SLC6A12: variants seen among roughly 807,000 people sequenced by gnomAD.
SLC6A12 encodes the protein sodium- and chloride-dependent betaine transporter.
Under a neutral mutation model 73.3 loss-of-function variants are expected in SLC6A12, and 50 were observed. The ratio of observed to expected loss-of-function variants is 0.68; its 90% CI spans 0.54 to 0.86. The LOEUF is 0.86. Among genes scored for constraint, SLC6A12 ranks in the 40% least tolerant of loss-of-function variants. SLC6A12 has a pLI of 0.00. For missense variants in SLC6A12, 648 were observed against 772.8 expected, an observed-to-expected ratio of 0.84 and a Z score of 1.92; for synonymous variants, 304 against 309.2, an observed-to-expected ratio of 0.98 and a Z score of 0.18.
rs955873820 is a variant in SLC6A12, at chr12:196,715, C to T, written c.1188+55G>A. 24 of 1,277,104 alleles carry T rather than the reference C, an allele frequency of 1.9e-5. No homozygotes were observed. The African/African-American group carries it at 2.9e-4, about 16-fold the overall frequency. 79.1% of individuals were successfully genotyped at this position (1,277,104 alleles called of 1,614,324 possible). A position where few individuals can be genotyped will look rare whatever the true frequency, so the allele number is the denominator to read the frequency against. ...GAGGGGAAAGTAGTCCCAGGACAAG[C>T]AAAGGCTTGCAAGAGGGTCACCACG... is the stretch of plus-strand genomic sequence containing the variant. On this transcript the variant is annotated intron_variant, in intron 11 of 15. Coordinates refer to ENST00000684302, the MANE Select transcript of SLC6A12 (RefSeq NM_001122848.3).
At position 192,516 on chromosome 12, in the gene SLC6A12, C is replaced by G; in HGVS notation, c.1663G>C (p.Val555Leu). 1 of 1,614,030 alleles carries G rather than the reference C, an allele frequency of 6.2e-7. No individual in the cohort carries two copies. Among genetic ancestry groups the G allele is most frequent in the African/African-American group, 1.3e-5 (1 of 74,990 alleles). ...CCCCGAGTCTTCAGGAGGGTGATGACGACGAAGAGTGGGACACAGACCATG... is the reference window on the plus strand; with the variant it reads ...CCCCGAGTCTTCAGGAGGGTGATGAGGACGAAGAGTGGGACACAGACCATG... ...SSMVCVPLFV[V>L]ITLLKTRGPF... Residue 555 changes from valine to leucine, a missense_variant, in exon 15 of 16, where the codon GTC becomes CTC. Val to Leu is a conservative substitution (Grantham distance 32). Coordinates refer to ENST00000684302, the MANE Select transcript of SLC6A12 (RefSeq NM_001122848.3).
chr12:200,969 C>T (rs1406801066), intron 6 of SLC6A12, among the ~76,000 whole-genome samples, 186 bp from the exon 7 acceptor site: 1 of 152,194 alleles, frequency 6.6e-6, no homozygotes, highest in African/African-American at 2.4e-5. Flanking sequence ...TCATCCTATG[C>T]ATATCTTTAT....
chr12:212,710 C>A (rs1241314096), intron 1 of SLC6A12, among the ~76,000 whole-genome samples: 1 of 152,044 alleles, frequency 6.6e-6, no homozygotes, highest in African/African-American at 2.4e-5. Context: ...AAGAAATGGC[C>A]CAGAGGATGT....
downstream of SLC6A12, among the ~76,000 whole-genome samples, chr12:187,642 A>G (rs965436824): frequency 1.6e-5 from 2 of 128,252 alleles, no homozygotes; most frequent in African/African-American, 2.9e-5. Flanking sequence ...CAAACCACAC[A>G]CACAGCACCC....
In SLC6A12 at chr12:190,515, G is replaced by A. The variant is rs1939546359; in HGVS notation, c.*553C>T. On this transcript the variant is annotated 3_prime_UTR_variant, in exon 16 of 16. Transcript: ENST00000684302. ...AGGGCAGGAGCTGGAGATGCCATGA[G>A]AGACTCGGAGGAAACTCCAGACTGA... The A allele has an allele frequency of 6.6e-6, 1 of 152,224 alleles. No homozygotes were observed. Among genetic ancestry groups the A allele is most frequent in the Non-Finnish European group, 1.5e-5 (1 of 68,046 alleles). 9.4% of individuals were successfully genotyped at this position (152,224 alleles called of 1,614,324 possible).
intron 2 of SLC6A12, 51 bp from the exon 3 acceptor site, chr12:210,094 C>G: frequency 6.7e-7 from 1 of 1,489,038 alleles, no homozygotes; most frequent in Non-Finnish European, 8.9e-7. Context: ...CTCCCGCCAG[C>G]CCTGCTTTCC....
At chr12:212,846 TCGAGTCTC>T in intron 1 of SLC6A12, among the ~76,000 whole-genome samples, 1 of 152,156 alleles carries the variant, frequency 6.6e-6, no homozygotes, top group East Asian at 1.9e-4. Context: ...CTCCAGCCCC[TCGAGTCTC>T]CTCCAAGGCC....
chr12:188,181 G>A (rs1293069314), downstream of SLC6A12, among the ~76,000 whole-genome samples: 1 of 152,286 alleles, frequency 6.6e-6, no homozygotes, highest in South Asian at 2.1e-4. Flanking sequence ...GGCGCTGGTC[G>A]GGGAGGCTCG....
In SLC6A12 at chr12:193,259, C is replaced by A. The variant is rs1171857361; in HGVS notation, c.1530+18G>T. The A allele has an allele frequency of 1.3e-6, 2 of 1,565,978 alleles. No individual in the cohort carries two copies. The highest frequency in any genetic ancestry group is 2.2e-5 in the South Asian group (2 of 90,106). On this transcript the variant is annotated intron_variant, in intron 14 of 15. Transcript: ENST00000684302. Reference sequence around the variant, plus strand: ...CTGGGGGCAGGAAGGAATAGAGGGGCAGCTGGTGGGCACATACCAGGCAAA... The same window carrying A: ...CTGGGGGCAGGAAGGAATAGAGGGGAAGCTGGTGGGCACATACCAGGCAAA...
At chr12:186,969 C>T (rs762698497), downstream of SLC6A12, among the ~76,000 whole-genome samples, 9 of 152,140 alleles carry the variant, frequency 5.9e-5, no homozygotes, top group Non-Finnish European at 1.2e-4. Flanking sequence ...CCCAAGGGCT[C>T]CTGTTCCCTC....
At chr12:200,947 A>G (rs4980863) in intron 6 of SLC6A12, among the ~76,000 whole-genome samples, 164 bp from the exon 7 acceptor site, 49,455 of 152,108 alleles carry the variant, frequency 0.33, 8,528 homozygotes, top group Non-Finnish European at 0.4. Flanking sequence ...CCCGTAGACC[A>G]AACTACTACC....
chr12:212,638 G>T (rs1162306170), intron 1 of SLC6A12, among the ~76,000 whole-genome samples: 1 of 152,334 alleles, frequency 6.6e-6, no homozygotes, highest in East Asian at 1.9e-4. Flanking sequence ...GCCCCGAGCC[G>T]TGGTAACTCA....
intron 7 of SLC6A12, among the ~76,000 whole-genome samples, chr12:200,146 T>TG (rs1940138870): frequency 6.9e-6 from 1 of 145,166 alleles, no homozygotes; most frequent in Non-Finnish European, 1.5e-5. Flanking sequence ...AGTCTGGCTG[T>TG]CGCCCAGGCT....
chr12:201,899 C>G (rs1284824953), intron 5 of SLC6A12, 50 bp from the exon 6 acceptor site: 1 of 1,514,618 alleles, frequency 6.6e-7, no homozygotes, highest in East Asian at 2.3e-5. Context: ...CTCTTATACC[C>G]TAGTCCCCCT....
intron 15 of SLC6A12, among the ~76,000 whole-genome samples, chr12:191,944 T>C (rs1480563349): frequency 1.3e-5 from 2 of 152,236 alleles, no homozygotes; most frequent in Non-Finnish European, 2.9e-5. Context: ...TTGGGTTTTC[T>C]ATTATTTATA....
At chr12:192,456 C>T (rs1220790194) in intron 15 of SLC6A12, 22 bp downstream of exon 15, 1 of 1,611,698 alleles carries the variant, frequency 6.2e-7, no homozygotes, top group Admixed American at 1.7e-5. Context: ...TTTAAGAGGT[C>T]ACTCTCCCCT....
Position 202,896 on chromosome 12 carries a change from A to G in SLC6A12, c.350-16T>C. 6.2e-7 allele frequency: 1 copy of G among 1,612,586 alleles called. No homozygotes were observed. Among genetic ancestry groups the G allele is most frequent in the Non-Finnish European group, 8.5e-7 (1 of 1,179,138 alleles). ...AGACCAATGCCTTCCAGAGTGGGGG[A>G]GAGATGGGGAGGGACAAGAGAGATC... On this transcript the variant is annotated splice_polypyrimidine_tract_variant and intron_variant, in intron 4 of 15. Coordinates refer to ENST00000684302, the MANE Select transcript of SLC6A12 (RefSeq NM_001122848.3).
intron 13 of SLC6A12, 82 bp from the exon 14 acceptor site, chr12:193,459 CT>C: frequency 9.5e-7 from 1 of 1,057,908 alleles, no homozygotes; most frequent in Non-Finnish European, 1.4e-6. Context: ...CCACTTGGCT[CT>C]GTGCCCTTCC....
intron 5 of SLC6A12, among the ~76,000 whole-genome samples, chr12:202,070 C>T (rs1940299598): frequency 6.6e-6 from 1 of 152,152 alleles, no homozygotes; most frequent in Admixed American, 6.5e-5. Context: ...GCTGCCCTGC[C>T]AACCTCAGAC....
Sources: allele counts gnomAD v4.1 joint callset (sites outside exome capture counted in the v4.1 genomes callset), GRCh38; gene constraint gnomAD v4.1.1; transcripts MANE v1.5; gene names NCBI Gene and HGNC (gene_info 2026-07-23, HGNC 2026-07-21).